Variants in ITGA1 observed in about 807,000 individuals in gnomAD.
The protein encoded by ITGA1 is integrin alpha-1.
Under a neutral mutation model 145.9 loss-of-function variants are expected in ITGA1, and 85 were observed. That is an observed-to-expected ratio of 0.58 (90% CI 0.49 to 0.70). The LOEUF (loss-of-function observed/expected upper bound fraction) is 0.70, where lower values mean the gene tolerates loss of function less well. ITGA1 is among the 30% of genes least tolerant of loss of function. The pLI is 0.00. For missense variants in ITGA1, 1,351 were observed against 1,418.7 expected (o/e 0.95, Z 0.77); for synonymous variants, 520 against 495.3 (o/e 1.05, Z -0.66).
Position 52,898,318 on chromosome 5 carries a change from T to C in ITGA1, c.1244T>C (p.Ile415Thr), listed in dbSNP as rs747162780. 1 of 1,611,872 alleles carries C rather than the reference T, an allele frequency of 6.2e-7. No individual in the cohort carries two copies. The highest frequency in any genetic ancestry group is 8.5e-7 in the Non-Finnish European group (1 of 1,178,544). The change falls in exon 11 of 29, where the codon ATC becomes ACC. Residue 415 changes from isoleucine to threonine, a missense_variant. Physicochemically the swap from Ile to Thr is moderately conservative, Grantham distance 89. Transcript: ENST00000282588. ...ATGCAGAAGGCTAGTCAAATCATAATCCCTCGAAACACAACCTTTAATGTT... is the reference window on the plus strand; with the variant it reads ...ATGCAGAAGGCTAGTCAAATCATAACCCCTCGAAACACAACCTTTAATGTT... ...VVMQKASQII[I>T]PRNTTFNVES...
rs974162846 is a variant in ITGA1 at position 52,858,910 on chromosome 5, A to G, written c.183-2537A>G. 6.6e-5 allele frequency among the ~76,000 whole-genome samples: 10 copies of G among 152,274 alleles called. 1 individual carries two copies. In the South Asian group the frequency reaches 1.4e-3, roughly 22 times the overall value. On this transcript the variant is annotated intron_variant, in intron 2 of 28. Transcript: ENST00000282588. Reference sequence around the variant, plus strand: ...ATCCTCTGAAATGGATCTCCATTTTATAGATAAAAAAACTAAATCACAGAT... The same window carrying G: ...ATCCTCTGAAATGGATCTCCATTTTGTAGATAAAAAAACTAAATCACAGAT...
intron 6 of ITGA1, among the ~76,000 whole-genome samples, chr5:52,878,961 CAAA>C (rs33911483): frequency 0.018 from 2,417 of 130,678 alleles, 44 homozygotes; most frequent in East Asian, 0.062. Context: ...GTCTAAGTAC[CAAA>C]AAAAAAAAAA....
In ITGA1 at chr5:52,953,929, A is replaced by G. The variant is rs975229963; in HGVS notation, c.*1478A>G. Reference sequence around the variant, plus strand: ...TGTTCAAAGAGGAGCAAATCCACATAGAAATTAAATGTTATAAATTTATTT... The same window carrying G: ...TGTTCAAAGAGGAGCAAATCCACATGGAAATTAAATGTTATAAATTTATTT... On this transcript the variant is annotated 3_prime_UTR_variant, in exon 29 of 29. Coordinates refer to ENST00000282588, the MANE Select transcript of ITGA1 (RefSeq NM_181501.2). 4.7e-5 allele frequency: 7 copies of G among 149,488 alleles called. No individual in the cohort carries two copies. The highest frequency in any genetic ancestry group is 7.4e-5 in the Non-Finnish European group (5 of 67,382). The allele number at this position is 149,488 out of a possible 1,614,324, so 9.3% of individuals were successfully genotyped here. A position where few individuals can be genotyped will look rare whatever the true frequency, so the allele number is the denominator to read the frequency against.
chr5:52,927,328 G>A (rs1750826927), intron 19 of ITGA1, among the ~76,000 whole-genome samples: 1 of 152,156 alleles, frequency 6.6e-6, no homozygotes, highest in Admixed American at 6.5e-5. Context: ...GGTGCTATTA[G>A]TACTTCCATT....
chr5:52,922,428 A>G (rs1032153678), intron 17 of ITGA1, among the ~76,000 whole-genome samples: 1 of 152,260 alleles, frequency 6.6e-6, no homozygotes, highest in Non-Finnish European at 1.5e-5. Context: ...CGGAAGTGTT[A>G]CATAATGATC....
intron 28 of ITGA1, among the ~76,000 whole-genome samples, chr5:52,951,020 G>T (rs1456395593): frequency 6.6e-6 from 1 of 152,018 alleles, no homozygotes; most frequent in Non-Finnish European, 1.5e-5. Flanking sequence ...TATTTGTTCC[G>T]TTACCGCCTT....
chr5:52,861,605 T>C, intron 3 of ITGA1, 46 bp downstream of exon 3: 2 of 1,105,912 alleles, frequency 1.8e-6, no homozygotes, highest in Non-Finnish European at 2.8e-6. Context: ...GTGCGGTGAG[T>C]CACGCCTGTA....
At chr5:52,951,843 G>A (rs1188300580) in intron 28 of ITGA1, among the ~76,000 whole-genome samples, 1 of 152,182 alleles carries the variant, frequency 6.6e-6, no homozygotes, top group East Asian at 1.9e-4. Context: ...TTAGTTCAAT[G>A]TGTATACTAT....
chr5:52,881,899 C>T lies in ITGA1; in HGVS notation c.651C>T (p.Asn217=), dbSNP rs762276627. 42 of 1,613,186 alleles carry T rather than the reference C, an allele frequency of 2.6e-5. No homozygotes were observed. In the Admixed American group the frequency reaches 6.8e-4, roughly 26 times the overall value. Residue 217 remains asparagine, a synonymous_variant, in exon 7 of 29, where the codon AAC becomes AAT. Transcript: ENST00000282588. The stretch of plus-strand genomic sequence containing the variant: ...TTGGAATTGTACAGTATGGAGAAAA[C>T]GTGACCCATGAGTTCAACCTCAATA... ...TQVGIVQYGE[N]VTHEFNLNKY... is the part of the protein sequence containing the mutation.
At chr5:52,870,461 A>G (rs953705013) in intron 6 of ITGA1, among the ~76,000 whole-genome samples, 1 of 152,138 alleles carries the variant, frequency 6.6e-6, no homozygotes, top group Admixed American at 6.5e-5. Context: ...TAAGATTTGT[A>G]GAGAGGATTT....
At chr5:52,806,167 A>G (rs1039275761) in intron 1 of ITGA1, among the ~76,000 whole-genome samples, 2 of 151,838 alleles carry the variant, frequency 1.3e-5, no homozygotes, top group Non-Finnish European at 2.9e-5. Flanking sequence ...AGATTTTCCT[A>G]ATGTATTATA....
At chr5:52,885,882 C>G (rs1392860445) in intron 7 of ITGA1, among the ~76,000 whole-genome samples, 1 of 152,174 alleles carries the variant, frequency 6.6e-6, no homozygotes, top group Non-Finnish European at 1.5e-5. Flanking sequence ...TTTTGTTTTA[C>G]TGTTTACATT....
Position 52,887,961 on chromosome 5 carries a change from T to C in ITGA1, c.920T>C (p.Ile307Thr). Residue 307 changes from isoleucine to threonine, a missense_variant, in exon 8 of 29, where the codon ATA (isoleucine) becomes ACA (threonine). Physicochemically the swap from Ile to Thr is moderately conservative, Grantham distance 89 (BLOSUM62 -1). Coordinates refer to ENST00000282588, the MANE Select transcript of ITGA1 (RefSeq NM_181501.2). ...CEDENIQRFS[I>T]AILGSYNRGN... ...GATGAAAACATTCAACGGTTTTCCA[T>C]AGCTGTAAGTGTGTTGCCGGAGATA... 1 of 1,613,030 alleles carries C rather than the reference T, an allele frequency of 6.2e-7. No individual in the cohort carries two copies. Among genetic ancestry groups the C allele is most frequent in the Non-Finnish European group, 8.5e-7 (1 of 1,179,238 alleles).
At chr5:52,827,781 G>A (rs1023692019) in intron 1 of ITGA1, among the ~76,000 whole-genome samples, 12 of 152,124 alleles carry the variant, frequency 7.9e-5, no homozygotes, top group South Asian at 6.2e-4. Flanking sequence ...GATTGTTAGC[G>A]TTTTTAATCA....
chr5:52,852,521 G>A (rs557493752), intron 2 of ITGA1, among the ~76,000 whole-genome samples: 2 of 152,270 alleles, frequency 1.3e-5, no homozygotes, highest in South Asian at 4.1e-4. Flanking sequence ...TGTAGGAGAG[G>A]TCAGATAGAT....
intron 1 of ITGA1, among the ~76,000 whole-genome samples, chr5:52,799,316 T>C (rs1472005531): frequency 6.6e-6 from 1 of 152,200 alleles, no homozygotes; most frequent in East Asian, 1.9e-4. Context: ...TCCTAGTTAA[T>C]AGTTTTTCCC....
At chr5:52,898,496 C>T (rs1245662660) in intron 11 of ITGA1, 113 bp downstream of exon 11, 13 of 1,003,746 alleles carry the variant, frequency 1.3e-5, no homozygotes, top group African/African-American at 3.2e-5. Context: ...ATTATTTCAA[C>T]AAGTTGGGTA....
At chr5:52,935,665 G>T (rs1175736567) in intron 23 of ITGA1, among the ~76,000 whole-genome samples, 6 of 152,138 alleles carry the variant, frequency 3.9e-5, no homozygotes, top group Non-Finnish European at 8.8e-5. Flanking sequence ...GTGGCACATA[G>T]TCAACAATAT....
chr5:52,873,042 G>C (rs1007356412), intron 6 of ITGA1, among the ~76,000 whole-genome samples: 2 of 152,070 alleles, frequency 1.3e-5, no homozygotes, highest in East Asian at 3.9e-4. Context: ...GATAGTCTAG[G>C]GTTTTATGTT....
Sources: allele counts gnomAD v4.1 joint callset (sites outside exome capture counted in the v4.1 genomes callset), GRCh38; gene constraint gnomAD v4.1.1; transcripts MANE v1.5; gene names NCBI Gene and HGNC (gene_info 2026-07-23, HGNC 2026-07-21).